NDUFS5: variants seen among roughly 807,000 people sequenced by gnomAD.
NDUFS5 encodes the protein NADH:ubiquinone oxidoreductase subunit S5.
A neutral mutation model predicts 10.5 loss-of-function variants in NDUFS5; 7 were observed. That is an observed-to-expected ratio of 0.66 (90% confidence interval 0.38 to 1.25). NDUFS5 has a LOEUF of 1.25. Among genes scored for constraint, NDUFS5 ranks in the 50% most tolerant of loss-of-function variants. The pLI is 0.02. For synonymous variants in NDUFS5, 38 were observed against 44.0 expected, an observed-to-expected ratio of 0.86 and a Z score of 0.54; for missense variants, 148 against 140.7, an observed-to-expected ratio of 1.05 and a Z score of -0.26.
intron 2 of NDUFS5, among the ~76,000 whole-genome samples, chr1:39,032,492 G>T (rs1023361422): frequency 1.3e-5 from 2 of 151,992 alleles, no homozygotes; most frequent in Non-Finnish European, 2.9e-5. Context: ...TTAATGAGAC[G>T]TTTAACTGAA....
intron 2 of NDUFS5, among the ~76,000 whole-genome samples, chr1:39,030,807 T>C (rs1169766286): frequency 1.3e-5 from 2 of 152,074 alleles, no homozygotes; most frequent in Non-Finnish European, 2.9e-5. Context: ...GAACATTGGA[T>C]TGGGAGTTAG....
intron 2 of NDUFS5, among the ~76,000 whole-genome samples, chr1:39,029,689 T>G (rs1232576307): frequency 1.3e-5 from 2 of 152,234 alleles, no homozygotes; most frequent in African/African-American, 4.8e-5. Context: ...ATCTTTGGAT[T>G]CATTCCACTC....
intron 2 of NDUFS5, among the ~76,000 whole-genome samples, chr1:39,030,391 C>T (rs1310492919): frequency 7.9e-5 from 11 of 139,110 alleles, no homozygotes; most frequent in South Asian, 6.8e-4. Context: ...GGCGACAGAG[C>T]GAGACTCCGT....
At chr1:39,027,811 CTTCTTTTTTTT>C (rs1644162097) in intron 1 of NDUFS5, among the ~76,000 whole-genome samples, 2 of 58,636 alleles carry the variant, frequency 3.4e-5, no homozygotes, top group Admixed American at 4.9e-4. Context: ...TTTTCTTCTT[CTTCTTTTTTTT>C]TTTTTTTTTT....
intron 2 of NDUFS5, among the ~76,000 whole-genome samples, chr1:39,031,602 A>C (rs1478172890): frequency 6.6e-6 from 1 of 152,162 alleles, no homozygotes. Flanking sequence ...CGCCACGTCC[A>C]GCAAACCACC....
intron 2 of NDUFS5, among the ~76,000 whole-genome samples, chr1:39,030,743 A>G (rs958393625): frequency 6.6e-6 from 1 of 152,000 alleles, no homozygotes; most frequent in African/African-American, 2.4e-5. Flanking sequence ...AAGAAAATAA[A>G]AAAAAGATTT....
chr1:39,029,918 C>G (rs895744797), intron 2 of NDUFS5, among the ~76,000 whole-genome samples: 3 of 151,872 alleles, frequency 2.0e-5, no homozygotes, highest in Admixed American at 1.3e-4. Flanking sequence ...TGGTGAAACC[C>G]TGTCTCTACT....
chr1:39,028,202 C>T (rs999977300), intron 1 of NDUFS5, among the ~76,000 whole-genome samples: 101 of 148,756 alleles, frequency 6.8e-4, no homozygotes, highest in African/African-American at 2.3e-3. Flanking sequence ...GAGGCCAAGG[C>T]GGGCGGATCA....
intron 1 of NDUFS5, 34 bp from the exon 2 acceptor site, chr1:39,028,684 GTATTT>G (rs1644169533): frequency 2.5e-6 from 4 of 1,577,826 alleles, no homozygotes; most frequent in East Asian, 2.2e-5. Context: ...CCCTCTTGTG[GTATTT>G]TATTTACTTA....
chr1:39,031,352 G>A (rs545465490), intron 2 of NDUFS5, among the ~76,000 whole-genome samples: 7 of 151,406 alleles, frequency 4.6e-5, no homozygotes, highest in East Asian at 2.0e-4. Context: ...TCTGTCACCC[G>A]GGCTGGAGTG....
In NDUFS5 at chr1:39,034,565, C is replaced by T. The variant is rs1158133227; in HGVS notation, c.*69C>T. The T allele has an allele frequency of 2.7e-5, 34 of 1,266,814 alleles. 1 individual carries two copies. The highest frequency in any genetic ancestry group is 1.9e-4 in the South Asian group (16 of 82,918). 78.5% of individuals were successfully genotyped at this position (1,266,814 alleles called of 1,614,324 possible). A position where few individuals can be genotyped will look rare whatever the true frequency, so the allele number is the denominator to read the frequency against. ...TGTTCTCCACTGGAAAGGTTGTTTA[C>T]GACAAACCTCCTTGTCAAAGTGTGT... On this transcript the variant is annotated 3_prime_UTR_variant, in exon 3 of 3. Coordinates refer to ENST00000372969, the MANE Select transcript of NDUFS5 (RefSeq NM_004552.3).
Position 39,028,797 on chromosome 1 carries a change from C to G in NDUFS5, c.73C>G (p.Gln25Glu). 6.2e-7 allele frequency: 1 copy of G among 1,614,060 alleles called. No individual in the cohort carries two copies. Among genetic ancestry groups the G allele is most frequent in the Non-Finnish European group, 8.5e-7 (1 of 1,180,016 alleles). Residue 25 changes from glutamine to glutamate, a missense_variant, in exon 2 of 3, where the codon CAG becomes GAG. Coordinates refer to ENST00000372969, the MANE Select transcript of NDUFS5 (RefSeq NM_004552.3). ...ATGGTTGACAATCCAGAGTGGTGAA[C>G]AGCCCTACAAGATGGCTGGTCGATG... ...DRWLTIQSGE[Q>E]PYKMAGRCHA...
intron 2 of NDUFS5, among the ~76,000 whole-genome samples, chr1:39,029,869 T>A (rs1644177788): frequency 6.6e-6 from 1 of 151,362 alleles, no homozygotes; most frequent in African/African-American, 2.4e-5. Flanking sequence ...GAGGCGGGTG[T>A]ATCACGAGGT....
At chr1:39,030,130 T>C (rs1338800057) in intron 2 of NDUFS5, among the ~76,000 whole-genome samples, 1 of 147,234 alleles carries the variant, frequency 6.8e-6, no homozygotes, top group Non-Finnish European at 1.5e-5. Flanking sequence ...AAAAATCCCA[T>C]GCAGTGGCTC....
At chr1:39,027,364 G>A (rs1016520807) in intron 1 of NDUFS5, among the ~76,000 whole-genome samples, 1 of 152,060 alleles carries the variant, frequency 6.6e-6, no homozygotes, top group Non-Finnish European at 1.5e-5. Flanking sequence ...GAGCCACTGC[G>A]CCCAACTAAA....
At chr1:39,031,856 A>G (rs1198251506) in intron 2 of NDUFS5, among the ~76,000 whole-genome samples, 4 of 152,220 alleles carry the variant, frequency 2.6e-5, no homozygotes, top group Admixed American at 2.6e-4. Context: ...ATTTCTCACA[A>G]CAATCCTATG....
intron 2 of NDUFS5, among the ~76,000 whole-genome samples, chr1:39,033,489 C>G (rs1473761483): frequency 6.7e-6 from 1 of 148,866 alleles, no homozygotes; most frequent in Non-Finnish European, 1.5e-5. Context: ...AGGAGAATGG[C>G]GCGAACCCAG....
intron 2 of NDUFS5, 43 bp from the exon 3 acceptor site, chr1:39,034,349 A>C (rs1193398443): frequency 6.3e-7 from 1 of 1,590,814 alleles, no homozygotes; most frequent in East Asian, 2.2e-5. Context: ...ACTTTTTGGC[A>C]CATATCTCCT....
At chr1:39,028,021 T>C (rs574110254) in intron 1 of NDUFS5, among the ~76,000 whole-genome samples, 1 of 148,344 alleles carries the variant, frequency 6.7e-6, no homozygotes, top group South Asian at 2.1e-4. Context: ...GATTTCACCA[T>C]ATTGGCCAGG....
Sources: gnomAD v4.1 joint callset for allele counts (sites outside exome capture counted in the v4.1 genomes callset) on GRCh38, gnomAD v4.1.1 for gene constraint, MANE v1.5 for transcripts, NCBI Gene and HGNC (gene_info 2026-07-23, HGNC 2026-07-21) for gene names.